AP4M1: variants seen among roughly 807,000 people sequenced by gnomAD.
The protein encoded by AP4M1 is adaptor related protein complex 4 subunit mu 1.
In AP4M1, 58 loss-of-function variants were observed where a neutral mutation model predicts 62.4. The observed-to-expected ratio is 0.93, with a 90% CI of 0.75 to 1.16. The LOEUF (loss-of-function observed/expected upper bound fraction) is 1.16. AP4M1 is among the 50% of genes most tolerant of loss of function. The pLI, the probability that AP4M1 is intolerant of heterozygous loss-of-function variation, is 0.00. For synonymous variants in AP4M1, 290 were observed against 239.7 expected, an observed-to-expected ratio of 1.21 and a Z score of -1.94; for missense variants, 626 against 585.4, an observed-to-expected ratio of 1.07 and a Z score of -0.72.
Position 100,108,067 on chromosome 7 carries a change from GCCA to G in AP4M1, c.*1186_*1188del. On this transcript the variant is annotated 3_prime_UTR_variant, in exon 15 of 15. Transcript: ENST00000359593. ...CGATGGAGCCAGGAACCTTCAGCAA[GCCA>G]GGGGTGCGAGGGCCAGGCTGTGGGG... 1 of 1,612,536 alleles carries G rather than the reference GCCA, an allele frequency of 6.2e-7. No individual in the cohort carries two copies. The highest frequency in any genetic ancestry group is 8.5e-7 in the Non-Finnish European group (1 of 1,179,670).
chr7:100,105,708 A>T (rs1796410485), intron 11 of AP4M1, among the ~76,000 whole-genome samples, 169 bp downstream of exon 11: 1 of 151,628 alleles, frequency 6.6e-6, no homozygotes, highest in African/African-American at 2.4e-5. Context: ...GCACTTTGGG[A>T]GGCTGAGGCG....
rs372394361 is a variant in AP4M1, at chr7:100,107,557, CGGT to C, written c.*683_*685del. 25 of 1,613,792 alleles carry C rather than the reference CGGT, an allele frequency of 1.5e-5. No individual in the cohort carries two copies. In the East Asian group the frequency reaches 3.8e-4, roughly 24 times the overall value. ...TTGACGATGGGCTGCACGCTGGGGA[CGGT>C]GGTGGTGACGGGCGAAGTGGTGGTG... On this transcript the variant is annotated 3_prime_UTR_variant, in exon 15 of 15. Coordinates refer to ENST00000359593, the MANE Select transcript of AP4M1 (RefSeq NM_004722.4).
At chr7:100,104,778 C>A in intron 7 of AP4M1, 96 bp from the exon 8 acceptor site, 1 of 1,397,116 alleles carries the variant, frequency 7.2e-7, no homozygotes, top group Non-Finnish European at 1.0e-6. Flanking sequence ...TTGCAGTGAG[C>A]CGAGATCACG....
chr7:100,101,998 C>CG, intron 2 of AP4M1, 30 bp downstream of exon 2: 1 of 1,611,634 alleles, frequency 6.2e-7, no homozygotes, highest in Non-Finnish European at 8.5e-7. Context: ...GGGTGAGGAG[C>CG]GGGGTCCCGT....
Position 100,101,778 on chromosome 7 carries a change from C to T in AP4M1, c.58+6C>T, listed in dbSNP as rs1200060214. 1 of 1,601,930 alleles carries T rather than the reference C, an allele frequency of 6.2e-7. No individual in the cohort carries two copies. Among genetic ancestry groups the T allele is most frequent in the South Asian group, 1.1e-5 (1 of 90,814 alleles). ...CCCGCTCATCTACAAAGACTGTATC[C>T]TAGACCCTTGGGGCTGGGAAGGGGC... On this transcript the variant is annotated splice_donor_region_variant and intron_variant, in intron 1 of 14. Coordinates refer to ENST00000359593, the MANE Select transcript of AP4M1 (RefSeq NM_004722.4).
chr7:100,106,397 C>T lies in AP4M1; in HGVS notation c.1026-6C>T, dbSNP rs1457973779. 3 of 1,613,604 alleles carry T rather than the reference C, an allele frequency of 1.9e-6. No individual in the cohort carries two copies. The highest frequency in any genetic ancestry group is 3.3e-5 in the Admixed American group (2 of 60,024). On this transcript the variant is annotated splice_polypyrimidine_tract_variant and splice_region_variant and intron_variant, in intron 13 of 14. Coordinates refer to ENST00000359593, the MANE Select transcript of AP4M1 (RefSeq NM_004722.4). The stretch of plus-strand genomic sequence containing the variant: ...AAGCCCAGCACCTTCCCTTTCCAAA[C>T]TCCAGCCTGTCTCAGGAGCTGAGCA...
rs2116711136 is a variant in AP4M1 at position 100,108,296 on chromosome 7, T to C, written c.*1414T>C. The C allele has an allele frequency of 8.5e-6, 13 of 1,521,064 alleles. No individual in the cohort carries two copies. Among genetic ancestry groups the C allele is most frequent in the Non-Finnish European group, 1.1e-5 (13 of 1,136,268 alleles). 94.2% of individuals were successfully genotyped at this position (1,521,064 alleles called of 1,614,324 possible). On this transcript the variant is annotated 3_prime_UTR_variant, in exon 15 of 15. Coordinates refer to ENST00000359593, the MANE Select transcript of AP4M1 (RefSeq NM_004722.4). ...CTGACTGAGGGCACATGTGGCTGTG[T>C]GCAAGTGCCTGTCCCACACAGGGGT...
At chr7:100,101,618 C>A, upstream of AP4M1, 1 of 1,307,428 alleles carries the variant, frequency 7.6e-7, no homozygotes, top group Non-Finnish European at 1.1e-6. Flanking sequence ...GAGAATCGCT[C>A]TTAAAGGGCC....
chr7:100,106,486 G>A lies in AP4M1; in HGVS notation c.1109G>A (p.Gly370Glu), dbSNP rs755352379. The A allele has an allele frequency of 6.2e-7, 1 of 1,613,752 alleles. No homozygotes were observed. The highest frequency in any genetic ancestry group is 1.1e-5 in the South Asian group (1 of 91,086). Residue 370 changes from glycine (G) to glutamate (E), a missense_variant, in exon 14 of 15, where the codon GGA becomes GAA. Physicochemically the swap from Gly to Glu is moderately conservative, Grantham distance 98 (BLOSUM62 -2). Coordinates refer to ENST00000359593, the MANE Select transcript of AP4M1 (RefSeq NM_004722.4). Reference protein sequence around the residue: ...ALRWDLPRVQGGSQLSGLFQM... With the variant: ...ALRWDLPRVQEGSQLSGLFQM... ...CGCTGGGACCTGCCTCGGGTGCAAG[G>A]AGGCTCTCAACTCTCAGGCCTTTTC...
rs1240398430 is a variant in AP4M1 at position 100,108,176 on chromosome 7, T to C, written c.*1294T>C. 6.5e-7 allele frequency: 1 copy of C among 1,536,114 alleles called. No individual in the cohort carries two copies. The highest frequency in any genetic ancestry group is 1.4e-5 in the African/African-American group (1 of 73,562). On this transcript the variant is annotated 3_prime_UTR_variant, in exon 15 of 15. Coordinates refer to ENST00000359593, the MANE Select transcript of AP4M1 (RefSeq NM_004722.4). Reference sequence around the variant, plus strand: ...TGGCACCATCTACTAAGAAGAGGAGTCTGAAGGGAGAGGCCTGGGCTCCCC... The same window carrying C: ...TGGCACCATCTACTAAGAAGAGGAGCCTGAAGGGAGAGGCCTGGGCTCCCC...
In AP4M1 at chr7:100,105,253, A is replaced by G. The variant is rs1051745199; in HGVS notation, c.741A>G (p.Gly247=). The change falls in exon 10 of 15, where the codon GGA becomes GGG. Residue 247 remains glycine (G), a synonymous_variant. Coordinates refer to ENST00000359593, the MANE Select transcript of AP4M1 (RefSeq NM_004722.4). ...GKSELRGYGP[G]IRVDEVSFHS... ...CTCTCTTTCCAGGTTATGGGCCAGG[A>G]ATCCGGGTCGATGAAGTCTCGTTTC... is the stretch of plus-strand genomic sequence containing the variant. 2.5e-6 allele frequency: 4 copies of G among 1,614,172 alleles called. No homozygotes were observed. Among genetic ancestry groups the G allele is most frequent in the Non-Finnish European group, 3.4e-6 (4 of 1,180,032 alleles).
chr7:100,101,693 T>A lies in AP4M1; in HGVS notation c.-22T>A, dbSNP rs752631604. 6.2e-7 allele frequency: 1 copy of A among 1,611,132 alleles called. No homozygotes were observed. On this transcript the variant is annotated 5_prime_UTR_variant, in exon 1 of 15. In the 5' UTR this introduces an upstream ATG that the reference lacks. Transcript: ENST00000359593. ...GGCAGGCCCGACTTTCGCCGTCTTC[T>A]TGTCTACTCTCCAGAACGGCCATGA...
rs779067413 is a variant in AP4M1, at chr7:100,108,328, C to T, written c.*1446C>T. The stretch of plus-strand genomic sequence containing the variant: ...GCCTGTCCCACACAGGGGTTCTCCT[C>T]TGCTTCCTCCTATTCCTCCTCCCCA... On this transcript the variant is annotated 3_prime_UTR_variant, in exon 15 of 15. Coordinates refer to ENST00000359593, the MANE Select transcript of AP4M1 (RefSeq NM_004722.4). 10 of 1,566,842 alleles carry T rather than the reference C, an allele frequency of 6.4e-6. No homozygotes were observed. The highest frequency in any genetic ancestry group is 8.7e-6 in the Non-Finnish European group (10 of 1,155,764).
At chr7:100,102,589 AT>A in intron 2 of AP4M1, 85 bp from the exon 3 acceptor site, 1 of 1,179,988 alleles carries the variant, frequency 8.5e-7, no homozygotes, top group South Asian at 1.2e-5. Flanking sequence ...AGTAAGAGGC[AT>A]CGGGATCCGA....
rs748639289 is a variant in AP4M1, at chr7:100,105,218, GTCTCTC to G, written c.728-12_728-7del. The G allele has an allele frequency of 1.9e-5, 30 of 1,594,242 alleles. No individual in the cohort carries two copies. Among genetic ancestry groups the G allele is most frequent in the Non-Finnish European group, 2.5e-5 (29 of 1,162,568 alleles). On this transcript the variant is annotated splice_polypyrimidine_tract_variant and intron_variant, in intron 9 of 14. Transcript: ENST00000359593. ...TCCCAAAACAGGAGTCAGGAGAGAA[GTCTCTC>G]TCTCTCTCTTTCCAGGTTATGGGCC...
In AP4M1 at chr7:100,107,234, G is replaced by A; in HGVS notation, c.*352G>A. On this transcript the variant is annotated 3_prime_UTR_variant, in exon 15 of 15. Coordinates refer to ENST00000359593, the MANE Select transcript of AP4M1 (RefSeq NM_004722.4). ...TGCATGTGTGGGAATCCGGGGGCTG[G>A]CAGGTGGAGCATCACGGAGCAGGCT... The A allele has an allele frequency of 6.6e-7, 1 of 1,521,184 alleles. No individual in the cohort carries two copies. The highest frequency in any genetic ancestry group is 2.3e-5 in the East Asian group (1 of 44,186). The allele number at this position is 1,521,184 out of a possible 1,614,324, so 94.2% of individuals were successfully genotyped here. A position where few individuals can be genotyped will look rare whatever the true frequency, so the allele number is the denominator to read the frequency against.
chr7:100,108,637 G>T lies in AP4M1; in HGVS notation c.*1755G>T. 7.2e-7 allele frequency: 1 copy of T among 1,393,658 alleles called. No homozygotes were observed. Among genetic ancestry groups the T allele is most frequent in the Non-Finnish European group, 9.7e-7 (1 of 1,033,932 alleles). 86.3% of individuals were successfully genotyped at this position (1,393,658 alleles called of 1,614,324 possible). The stretch of plus-strand genomic sequence containing the variant: ...CACTCTTGAGAAGAACCTTGGGGAT[G>T]GGGTAAAAAAGGACATTCCTTATCA... On this transcript the variant is annotated 3_prime_UTR_variant, in exon 15 of 15. Coordinates refer to ENST00000359593, the MANE Select transcript of AP4M1 (RefSeq NM_004722.4).
In AP4M1 at chr7:100,102,646, C is replaced by T. The variant is rs368034501; in HGVS notation, c.148-29C>T. On this transcript the variant is annotated intron_variant, in intron 2 of 14. Coordinates refer to ENST00000359593, the MANE Select transcript of AP4M1 (RefSeq NM_004722.4). ...GATCACTCCACCTCCCTTTTTTTAA[C>T]GCCTCTCTTCTCCCTGCCTGTGTCT... is the stretch of plus-strand genomic sequence containing the variant. The T allele has an allele frequency of 2.5e-5, 40 of 1,602,408 alleles. No individual in the cohort carries two copies. In the African/African-American group the frequency reaches 2.5e-4, roughly 10 times the overall value.
At chr7:100,101,255 G>A, upstream of AP4M1, 4 of 1,613,146 alleles carry the variant, frequency 2.5e-6, no homozygotes, top group Non-Finnish European at 3.4e-6. Context: ...CGGGCTCGTA[G>A]ACCCGTACCC....
Sources: allele counts gnomAD v4.1 joint callset (sites outside exome capture counted in the v4.1 genomes callset), GRCh38; gene constraint gnomAD v4.1.1; transcripts MANE v1.5; gene names NCBI Gene and HGNC (gene_info 2026-07-23, HGNC 2026-07-21).